The following PASD1 variants were observed in gnomAD, a reference collection of about 807,000 sequenced individuals.
PASD1 encodes circadian clock protein PASD1.
A neutral mutation model predicts 58.8 loss-of-function variants in PASD1; 13 were observed. The ratio of observed to expected loss-of-function variants is 0.22; its 90% CI spans 0.14 to 0.35. The LOEUF (loss-of-function observed/expected upper bound fraction) is 0.35. PASD1 is among the 10% of genes least tolerant of loss of function. The pLI is 1.00. For synonymous variants in PASD1, 236 were observed against 216.7 expected, an observed-to-expected ratio of 1.09 and a Z score of -0.78; for missense variants, 734 against 568.3, an observed-to-expected ratio of 1.29 and a Z score of -2.96.
intron 9 of PASD1, among the ~76,000 whole-genome samples, chrX:151,652,253 G>T (rs773662827): frequency 5.6e-4 from 62 of 111,061 alleles, no homozygotes; most frequent in Non-Finnish European, 6.2e-4. Context: ...CAAGACTTAG[G>T]CCAGGCACAG....
At chrX:151,584,682 AT>A (rs1409745075) in intron 1 of PASD1, among the ~76,000 whole-genome samples, 1 of 111,922 alleles carries the variant, frequency 8.9e-6, no homozygotes, top group Non-Finnish European at 1.9e-5. Context: ...GCCATTACCC[AT>A]TCTCTAACCC....
intron 2 of PASD1, among the ~76,000 whole-genome samples, chrX:151,602,589 G>A (rs146389581): frequency 0.01 from 1,138 of 110,262 alleles, 18 homozygotes; most frequent in African/African-American, 0.036. Context: ...CCGGCTACTC[G>A]GGAGGCTGAG....
chrX:151,625,164 A>AT (rs775458999), intron 7 of PASD1, among the ~76,000 whole-genome samples: 75 of 111,701 alleles, frequency 6.7e-4, no homozygotes, highest in African/African-American at 2.4e-3. Flanking sequence ...TTGGAGGAAG[A>AT]TTTTTTTCAC....
intron 8 of PASD1, among the ~76,000 whole-genome samples, chrX:151,643,064 G>A (rs12860832): frequency 0.16 from 18,208 of 111,314 alleles, 1,485 homozygotes; most frequent in Non-Finnish European, 0.25. Context: ...CTTAAACTCT[G>A]CCAACTCAGC....
chrX:151,568,822 A>G (rs1176780111), intron 1 of PASD1, among the ~76,000 whole-genome samples: 1 of 111,710 alleles, frequency 9.0e-6, no homozygotes, highest in African/African-American at 3.3e-5. Context: ...CACCGAATAT[A>G]TGGGTGAGCA....
intron 6 of PASD1, 88 bp from the exon 7 acceptor site, chrX:151,622,849 G>T: frequency 2.2e-5 from 22 of 993,539 alleles, no homozygotes; most frequent in Non-Finnish European, 2.8e-5. Context: ...CAATGGGTTA[G>T]CAAACAGCAC....
intron 9 of PASD1, among the ~76,000 whole-genome samples, chrX:151,654,276 G>C: frequency 9.0e-6 from 1 of 110,582 alleles, no homozygotes. Context: ...AGCCAATGGT[G>C]TTTTCTTTGG....
At chrX:151,645,454 C>G (rs1362406386) in intron 8 of PASD1, among the ~76,000 whole-genome samples, 1 of 111,812 alleles carries the variant, frequency 8.9e-6, no homozygotes, top group Non-Finnish European at 1.9e-5. Context: ...CCAAGAACAA[C>G]CTTGCATTAA....
rs191953537 is a variant in PASD1, at chrX:151,664,365, G to T, written c.1071+17G>T. ...AGTGCTCAGGTACTCTGAAAGTCTC[G>T]CTTCACTCGCTTCACGTTTGTCTGG... On this transcript the variant is annotated intron_variant, in intron 11 of 15. Coordinates refer to ENST00000370357, the MANE Select transcript of PASD1 (RefSeq NM_173493.3). The T allele has an allele frequency of 8.3e-7, 1 of 1,207,011 alleles. No homozygotes were observed. The highest frequency in any genetic ancestry group is 1.1e-6 in the Non-Finnish European group (1 of 892,808).
At chrX:151,571,326 C>A (rs997129230) in intron 1 of PASD1, among the ~76,000 whole-genome samples, 1 of 111,703 alleles carries the variant, frequency 9.0e-6, no homozygotes, top group Non-Finnish European at 1.9e-5. Flanking sequence ...AGTTTCCTCC[C>A]TGATCCTGAG....
chrX:151,605,664 T>C (rs186449115), intron 3 of PASD1, among the ~76,000 whole-genome samples: 2 of 111,418 alleles, frequency 1.8e-5, no homozygotes, highest in East Asian at 5.6e-4. Context: ...AGTTGTGTGA[T>C]TGTGGCTCAC....
At chrX:151,655,655 T>C (rs1434805783) in intron 9 of PASD1, among the ~76,000 whole-genome samples, 1 of 112,441 alleles carries the variant, frequency 8.9e-6, no homozygotes, top group Non-Finnish European at 1.9e-5. Flanking sequence ...ATGTCTTCTT[T>C]TGAGAAGTGT....
At chrX:151,577,073 A>T (rs1175989250) in intron 1 of PASD1, among the ~76,000 whole-genome samples, 1 of 111,752 alleles carries the variant, frequency 8.9e-6, no homozygotes, top group Non-Finnish European at 1.9e-5. Context: ...GTGCACCTGT[A>T]GTCTTAGTTA....
At chrX:151,651,574 T>A in intron 9 of PASD1, among the ~76,000 whole-genome samples, 1 of 112,046 alleles carries the variant, frequency 8.9e-6, no homozygotes, top group East Asian at 2.8e-4. Flanking sequence ...TAGGGAATAA[T>A]CATGAGAGCA....
At chrX:151,625,416 T>C in intron 7 of PASD1, 32 bp from the exon 8 acceptor site, 1 of 1,107,564 alleles carries the variant, frequency 9.0e-7, no homozygotes, top group Non-Finnish European at 1.2e-6. Flanking sequence ...TATATACATA[T>C]TAAATGTCTA....
At position 151,563,723 on chromosome X, in the gene PASD1, C is replaced by G. The variant is rs1205413965; in HGVS notation, c.-144C>G. On this transcript the variant is annotated 5_prime_UTR_variant, in exon 1 of 16. Transcript: ENST00000370357. ...CCTGAAGAGTCTAGAAGCTGCTCCT[C>G]ATTTCCAGACTTTCCGGGCGCCCAC... 3.6e-5 allele frequency: 4 copies of G among 112,226 alleles called. No homozygotes were observed. The highest frequency in any genetic ancestry group is 2.8e-4 in the East Asian group (1 of 3,558). The allele number at this position is 112,226 out of a possible 1,213,427, so 9.2% of individuals were successfully genotyped here. A position where few individuals can be genotyped will look rare whatever the true frequency, so the allele number is the denominator to read the frequency against.
intron 3 of PASD1, among the ~76,000 whole-genome samples, chrX:151,605,117 T>A (rs1469878597): frequency 8.9e-6 from 1 of 111,871 alleles, no homozygotes; most frequent in Non-Finnish European, 1.9e-5. Context: ...AAGGTGTTTA[T>A]AGTTTCTGTC....
chrX:151,671,795 TTTAAC>T lies in PASD1; in HGVS notation c.1437+18_1437+22del. On this transcript the variant is annotated intron_variant, in intron 13 of 15. Transcript: ENST00000370357. ...CTTCAACCAGGTATGGAAAGGCTGT[TTTAAC>T]TGTGTATCTGAAAGGGGATTTTGTT... is the stretch of plus-strand genomic sequence containing the variant. The T allele has an allele frequency of 8.4e-7, 1 of 1,183,508 alleles. No homozygotes were observed. The highest frequency in any genetic ancestry group is 1.1e-6 in the Non-Finnish European group (1 of 870,058).
At chrX:151,592,801 G>A (rs905794396) in intron 1 of PASD1, among the ~76,000 whole-genome samples, 1 of 111,531 alleles carries the variant, frequency 9.0e-6, no homozygotes, top group Non-Finnish European at 1.9e-5. Context: ...CTTATTGAAT[G>A]TTCCATATAC....
Sources: allele counts gnomAD v4.1 joint callset (sites outside exome capture counted in the v4.1 genomes callset), GRCh38; gene constraint gnomAD v4.1.1; transcripts MANE v1.5; gene names NCBI Gene and HGNC (gene_info 2026-07-23, HGNC 2026-07-21).